The following RPS6KC1 variants were observed in gnomAD, a reference collection of about 807,000 sequenced individuals.
RPS6KC1 encodes the protein inactive ribosomal protein S6 kinase delta-1.
A neutral mutation model predicts 103.8 loss-of-function variants in RPS6KC1; 54 were observed. The observed-to-expected ratio is 0.52, with a 90% CI of 0.42 to 0.65. The LOEUF (loss-of-function observed/expected upper bound fraction) is 0.65, where lower values mean the gene tolerates loss of function less well. RPS6KC1 is among the 30% of genes least tolerant of loss of function. RPS6KC1 has a pLI of 0.00. For missense variants in RPS6KC1, 1,151 were observed against 1,253.8 expected, an observed-to-expected ratio of 0.92 and a Z score of 1.24; for synonymous variants, 439 against 438.7, an observed-to-expected ratio of 1.00 and a Z score of -0.01.
chr1:213,770,763 C>T, the RPS6KC1 span, among the ~76,000 whole-genome samples: 1 of 152,218 alleles, frequency 6.6e-6, no homozygotes, highest in African/African-American at 2.4e-5. Context: ...ATGCTTTTGG[C>T]TCTTTATGCC....
the RPS6KC1 span, among the ~76,000 whole-genome samples, chr1:213,608,214 G>A: frequency 6.6e-6 from 1 of 152,166 alleles, no homozygotes; most frequent in Non-Finnish European, 1.5e-5. Context: ...AAGGGAGGTG[G>A]GGAGGGAGGT....
At chr1:213,216,881 G>C (rs1192531395) in intron 8 of RPS6KC1, among the ~76,000 whole-genome samples, 3 of 152,058 alleles carry the variant, frequency 2.0e-5, no homozygotes, top group African/African-American at 4.8e-5. Flanking sequence ...AGTGTGTAGA[G>C]GGAAATTTAT....
chr1:213,102,800 A>C (rs1252174686), intron 3 of RPS6KC1, among the ~76,000 whole-genome samples: 1 of 152,206 alleles, frequency 6.6e-6, no homozygotes, highest in Non-Finnish European at 1.5e-5. Flanking sequence ...CTATCCTTAG[A>C]AAAATGCACC....
At chr1:213,132,045 C>A (rs922373503) in intron 6 of RPS6KC1, among the ~76,000 whole-genome samples, 3 of 152,292 alleles carry the variant, frequency 2.0e-5, no homozygotes, top group Middle Eastern at 3.4e-3. Flanking sequence ...AAATAAAAAT[C>A]TGTGCTTCAA....
At chr1:213,068,873 ATGTGTGTGTGTGTGTGTGTG>A (rs60259563) in intron 1 of RPS6KC1, among the ~76,000 whole-genome samples, 2 of 127,370 alleles carry the variant, frequency 1.6e-5, no homozygotes, top group African/African-American at 6.1e-5. Flanking sequence ...AAGTGTATAT[ATGTGTGTGTGTGTGTGTGTG>A]TGTGTGTGTG....
At chr1:213,121,172 GAT>G (rs2084341139) in intron 5 of RPS6KC1, among the ~76,000 whole-genome samples, 1 of 152,272 alleles carries the variant, frequency 6.6e-6, no homozygotes, top group African/African-American at 2.4e-5. Context: ...AGACGCAAGT[GAT>G]TCTCCTGGCC....
the RPS6KC1 span, among the ~76,000 whole-genome samples, chr1:213,388,414 C>T: frequency 7.2e-5 from 11 of 152,234 alleles, no homozygotes; most frequent in Non-Finnish European, 1.5e-4. Context: ...TGGCCCTGGA[C>T]GCTGCCCCAG....
chr1:213,852,171 A>G, the RPS6KC1 span, among the ~76,000 whole-genome samples: 1 of 152,176 alleles, frequency 6.6e-6, no homozygotes, highest in Non-Finnish European at 1.5e-5. Flanking sequence ...AGTTCTATTT[A>G]AATCACTTCT....
At chr1:213,731,900 C>T in the RPS6KC1 span, among the ~76,000 whole-genome samples, 3 of 151,796 alleles carry the variant, frequency 2.0e-5, no homozygotes, top group Middle Eastern at 0.01. Flanking sequence ...TTATAAATAC[C>T]TGAATGACAA....
At chr1:213,498,608 C>G in the RPS6KC1 span, among the ~76,000 whole-genome samples, 4 of 151,828 alleles carry the variant, frequency 2.6e-5, no homozygotes, top group African/African-American at 9.7e-5. Context: ...GCGCCTGCCA[C>G]CATGCCTGGC....
chr1:213,446,052 G>A, the RPS6KC1 span, among the ~76,000 whole-genome samples: 28 of 152,168 alleles, frequency 1.8e-4, no homozygotes, highest in African/African-American at 6.3e-4. Flanking sequence ...CCCAGACCAT[G>A]CTGCCTCTTG....
At chr1:213,602,263 CT>C in the RPS6KC1 span, among the ~76,000 whole-genome samples, 105 of 54,738 alleles carry the variant, frequency 1.9e-3, 3 homozygotes, top group Middle Eastern at 0.018. Flanking sequence ...CTTTTTTTTT[CT>C]TTTTTTTTTT....
chr1:213,606,372 G>A, the RPS6KC1 span, among the ~76,000 whole-genome samples: 1 of 152,284 alleles, frequency 6.6e-6, no homozygotes, highest in East Asian at 1.9e-4. Flanking sequence ...ACTGTTCGGT[G>A]CCCACATCAG....
chr1:213,303,956 A>G, the RPS6KC1 span, among the ~76,000 whole-genome samples: 1 of 152,000 alleles, frequency 6.6e-6, no homozygotes, highest in African/African-American at 2.4e-5. Context: ...CTGTAATCCC[A>G]GCACTCTGGG....
the RPS6KC1 span, among the ~76,000 whole-genome samples, chr1:213,751,300 C>A: frequency 6.6e-6 from 1 of 152,058 alleles, no homozygotes; most frequent in Admixed American, 6.6e-5. Flanking sequence ...TGCATTTGCC[C>A]AGAGTGGTGC....
the RPS6KC1 span, among the ~76,000 whole-genome samples, chr1:213,635,656 A>G: frequency 6.6e-6 from 1 of 152,186 alleles, no homozygotes; most frequent in South Asian, 2.1e-4. Context: ...ACCCACAGCA[A>G]ATATCATACT....
the RPS6KC1 span, among the ~76,000 whole-genome samples, chr1:213,652,091 A>G: frequency 6.6e-6 from 1 of 152,198 alleles, no homozygotes; most frequent in Non-Finnish European, 1.5e-5. Flanking sequence ...TAGTAATTTT[A>G]TAATGTTAAT....
the RPS6KC1 span, among the ~76,000 whole-genome samples, chr1:213,600,134 G>C: frequency 6.6e-6 from 1 of 152,092 alleles, no homozygotes. Flanking sequence ...GAAGGTTTTT[G>C]CTTCCCCTTT....
At chr1:213,281,165 G>T in the RPS6KC1 span, among the ~76,000 whole-genome samples, 1 of 152,082 alleles carries the variant, frequency 6.6e-6, no homozygotes. Flanking sequence ...TGACCTTAAG[G>T]GGCTATTTCC....
Sources: allele counts gnomAD v4.1 joint callset (sites outside exome capture counted in the v4.1 genomes callset), GRCh38; gene constraint gnomAD v4.1.1; transcripts MANE v1.5; gene names NCBI Gene and HGNC (gene_info 2026-07-23, HGNC 2026-07-21).